The following LHX8 variants were observed in gnomAD, a reference collection of about 807,000 sequenced individuals.
LHX8 encodes LIM/homeobox protein Lhx8.
Under a neutral mutation model 40.3 loss-of-function variants are expected in LHX8, and 12 were observed. The observed-to-expected ratio is 0.30, with a 90% confidence interval of 0.19 to 0.48. The LOEUF is 0.48. Ranked by LOEUF, LHX8 falls within the 20% of genes least tolerant of loss-of-function variation. LHX8 has a pLI of 0.99. For missense variants in LHX8, 344 were observed against 433.7 expected (o/e 0.79, Z 1.84); for synonymous variants, 179 against 162.0 (o/e 1.10, Z -0.80).
the LHX8 span, among the ~76,000 whole-genome samples, chr1:75,197,069 AG>A: frequency 6.6e-6 from 1 of 152,210 alleles, no homozygotes; most frequent in Non-Finnish European, 1.5e-5. Flanking sequence ...TATTTTTTAA[AG>A]TTTCTAATAG....
intron 7 of LHX8, among the ~76,000 whole-genome samples, chr1:75,152,128 C>T (rs1424039309): frequency 6.6e-6 from 1 of 152,192 alleles, no homozygotes; most frequent in Non-Finnish European, 1.5e-5. Context: ...CATACTTTCC[C>T]TCAGCCTCCT....
At chr1:75,163,417 A>G (rs78161506), downstream of LHX8, among the ~76,000 whole-genome samples, 17,569 of 152,180 alleles carry the variant, frequency 0.12, 1,313 homozygotes, top group Middle Eastern at 0.23. Context: ...TAATGTTTCT[A>G]TTTTATTATT....
downstream of LHX8, among the ~76,000 whole-genome samples, chr1:75,165,259 G>A (rs984005585): frequency 1.3e-5 from 2 of 152,158 alleles, no homozygotes; most frequent in African/African-American, 4.8e-5. Flanking sequence ...ACAGATGAGG[G>A]AATTGAAATT....
At chr1:75,170,675 G>T in the LHX8 span, among the ~76,000 whole-genome samples, 6 of 152,176 alleles carry the variant, frequency 3.9e-5, no homozygotes, top group Non-Finnish European at 5.9e-5. Flanking sequence ...GGAGGTATTA[G>T]AAATGGTCAG....
At chr1:75,163,622 C>G (rs979137713), downstream of LHX8, among the ~76,000 whole-genome samples, 1 of 152,166 alleles carries the variant, frequency 6.6e-6, no homozygotes, top group Non-Finnish European at 1.5e-5. Context: ...TGGATGACAT[C>G]TCATAAACAT....
the LHX8 span, among the ~76,000 whole-genome samples, chr1:75,185,582 A>G: frequency 1.6e-4 from 25 of 152,302 alleles, no homozygotes; most frequent in Admixed American, 1.6e-3. Flanking sequence ...ACCCACAGCC[A>G]ACATCATACT....
the LHX8 span, among the ~76,000 whole-genome samples, chr1:75,174,039 CAGAAATCTGAAACGCTGCTTGTCCCA>C: frequency 6.6e-6 from 1 of 151,658 alleles, no homozygotes; most frequent in African/African-American, 2.4e-5. Context: ...AAAAAAAAGT[CAGAAATCTGAAACGCTGCTTGTCCCA>C]AGCATTTTGG....
At chr1:75,130,454 C>T (rs1483101911), upstream of LHX8, 34 of 572,940 alleles carry the variant, frequency 5.9e-5, no homozygotes, top group East Asian at 9.1e-4. Flanking sequence ...GTCTGCCCGC[C>T]AGTGGATTCC....
chr1:75,136,056 T>C (rs1648115561), intron 1 of LHX8, among the ~76,000 whole-genome samples: 1 of 152,228 alleles, frequency 6.6e-6, no homozygotes, highest in African/African-American at 2.4e-5. Flanking sequence ...AGTATCCTAT[T>C]AAACCTCTTC....
At chr1:75,159,120 G>C (rs945818245) in intron 8 of LHX8, among the ~76,000 whole-genome samples, 2 of 152,018 alleles carry the variant, frequency 1.3e-5, no homozygotes, top group Non-Finnish European at 2.9e-5. Context: ...TTCTCTATAA[G>C]TAGAAATCTG....
intron 6 of LHX8, among the ~76,000 whole-genome samples, chr1:75,147,408 C>T (rs183370066): frequency 1.4e-3 from 216 of 152,236 alleles, no homozygotes; most frequent in Non-Finnish European, 2.3e-3. Flanking sequence ...CCTAGGGATA[C>T]GAAAAATAAG....
At chr1:75,160,717 TA>T in intron 8 of LHX8, 101 bp from the exon 9 acceptor site, 1 of 810,798 alleles carries the variant, frequency 1.2e-6, no homozygotes, top group Non-Finnish European at 2.2e-6. Context: ...CCCTCAGCTA[TA>T]ATGAGTGATG....
chr1:75,145,401 T>A (rs1385919981), intron 6 of LHX8, among the ~76,000 whole-genome samples: 1 of 152,154 alleles, frequency 6.6e-6, no homozygotes, highest in African/African-American at 2.4e-5. Flanking sequence ...TTTGATATAA[T>A]AATTTATTAT....
upstream of LHX8, among the ~76,000 whole-genome samples, chr1:75,134,280 C>T (rs867374778): frequency 1.3e-4 from 19 of 151,958 alleles, no homozygotes; most frequent in Middle Eastern, 6.8e-3. Context: ...AGCAATTTCT[C>T]CAGGAAAGAC....
the LHX8 span, among the ~76,000 whole-genome samples, chr1:75,188,467 C>A: frequency 6.6e-6 from 1 of 152,170 alleles, no homozygotes; most frequent in African/African-American, 2.4e-5. Context: ...AACTTTTGAG[C>A]AAAGCTTGTC....
At chr1:75,133,525 T>C (rs568985293), upstream of LHX8, among the ~76,000 whole-genome samples, 157 of 152,358 alleles carry the variant, frequency 1.0e-3, 3 homozygotes, top group Non-Finnish European at 3.1e-4. Context: ...GACTCCTAGA[T>C]CTTCTTAGTT....
At chr1:75,177,574 G>C in the LHX8 span, among the ~76,000 whole-genome samples, 2,624 of 152,254 alleles carry the variant, frequency 0.017, 78 homozygotes, top group African/African-American at 0.06. Context: ...GAGATTTTGG[G>C]CTGAGACGAT....
At chr1:75,182,546 T>C in the LHX8 span, among the ~76,000 whole-genome samples, 7,658 of 152,132 alleles carry the variant, frequency 0.05, 210 homozygotes, top group Middle Eastern at 0.096. Context: ...GTTAACTTTG[T>C]ATTTTTAGTA....
chr1:75,195,020 C>A, the LHX8 span, among the ~76,000 whole-genome samples: 1 of 152,104 alleles, frequency 6.6e-6, no homozygotes, highest in Non-Finnish European at 1.5e-5. Flanking sequence ...AAGAGCAAGG[C>A]CTCAAACATA....
Sources: gnomAD v4.1 joint callset for allele counts (sites outside exome capture counted in the v4.1 genomes callset) on GRCh38, gnomAD v4.1.1 for gene constraint, MANE v1.5 for transcripts, NCBI Gene and HGNC (gene_info 2026-07-23, HGNC 2026-07-21) for gene names.